EPM2A: variants seen among roughly 807,000 people sequenced by gnomAD.
The protein encoded by EPM2A is EPM2A glucan phosphatase, laforin.
In EPM2A, 21 loss-of-function variants were observed where a neutral mutation model predicts 26.5. The observed-to-expected ratio is 0.79, with a 90% CI of 0.56 to 1.14. The LOEUF (loss-of-function observed/expected upper bound fraction) is 1.14. EPM2A is among the 50% of genes most tolerant of loss of function. EPM2A has a pLI of 0.00. For synonymous variants in EPM2A, 217 were observed against 177.6 expected (o/e 1.22, Z -1.76); for missense variants, 458 against 440.8 (o/e 1.04, Z -0.35).
At chr6:145,534,706 T>G (rs1780407118) in intron 2 of EPM2A, among the ~76,000 whole-genome samples, 1 of 152,224 alleles carries the variant, frequency 6.6e-6, no homozygotes, top group African/African-American at 2.4e-5. Flanking sequence ...TTTAAAAGTC[T>G]AGTAATGCAG....
intron 4 of EPM2A, among the ~76,000 whole-genome samples, chr6:145,446,386 G>A (rs551354287): frequency 4.1e-5 from 6 of 144,736 alleles, no homozygotes; most frequent in African/African-American, 1.5e-4. Flanking sequence ...TCATCAGTGG[G>A]CCTGTTTCTA....
intron 2 of EPM2A, among the ~76,000 whole-genome samples, chr6:145,608,225 C>G (rs569190692): frequency 1.1e-4 from 17 of 152,200 alleles, no homozygotes; most frequent in Admixed American, 5.2e-4. Flanking sequence ...CATTGTTAAT[C>G]TCTTGTTGTG....
At chr6:145,735,132 G>A in intron 1 of EPM2A, 66 bp downstream of exon 1, 1 of 1,269,184 alleles carries the variant, frequency 7.9e-7, no homozygotes, top group Non-Finnish European at 1.1e-6. Context: ...CGAGGCCGAG[G>A]CCCCGGTTGG....
intron 4 of EPM2A, among the ~76,000 whole-genome samples, chr6:145,483,380 C>T (rs9484997): frequency 0.07 from 10,691 of 152,070 alleles, 1,098 homozygotes; most frequent in African/African-American, 0.22. Context: ...GAAACAAAGA[C>T]AGCTAGCTTG....
At chr6:145,620,832 A>G (rs1481897229), downstream of EPM2A, among the ~76,000 whole-genome samples, 1 of 152,222 alleles carries the variant, frequency 6.6e-6, no homozygotes, top group Admixed American at 6.5e-5. Flanking sequence ...TTATTGAGGT[A>G]TAACTGTCAA....
intron 4 of EPM2A, among the ~76,000 whole-genome samples, chr6:145,485,302 A>G (rs1779658447): frequency 6.6e-6 from 1 of 152,150 alleles, no homozygotes; most frequent in African/African-American, 2.4e-5. Context: ...GTAACATCAA[A>G]TGCCACTGAG....
At chr6:145,676,343 C>T (rs1780037167) in intron 2 of EPM2A, among the ~76,000 whole-genome samples, 1 of 152,066 alleles carries the variant, frequency 6.6e-6, no homozygotes, top group Admixed American at 6.6e-5. Flanking sequence ...AAAATTGACA[C>T]CCTAACATCA....
intron 4 of EPM2A, among the ~76,000 whole-genome samples, chr6:145,494,569 G>A (rs1779794022): frequency 6.6e-6 from 1 of 152,026 alleles, no homozygotes; most frequent in Non-Finnish European, 1.5e-5. Flanking sequence ...TCTTTTAGTT[G>A]GGACGTTAGG....
intron 2 of EPM2A, among the ~76,000 whole-genome samples, chr6:145,503,271 G>C (rs1317192976): frequency 6.6e-6 from 1 of 151,316 alleles, no homozygotes; most frequent in South Asian, 2.1e-4. Flanking sequence ...GGAAATAAAG[G>C]GTATTCAATT....
At chr6:145,598,448 A>G (rs570942368) in intron 2 of EPM2A, among the ~76,000 whole-genome samples, 9 of 152,214 alleles carry the variant, frequency 5.9e-5, no homozygotes, top group African/African-American at 1.9e-4. Context: ...AAATTTGTTT[A>G]AGTTCTTCAT....
intron 4 of EPM2A, among the ~76,000 whole-genome samples, chr6:145,432,633 A>ACT (rs1315516308): frequency 1.3e-5 from 2 of 151,772 alleles, no homozygotes; most frequent in Non-Finnish European, 2.9e-5. Context: ...GTTTAGTGTA[A>ACT]CTCTTAAGAG....
intron 2 of EPM2A, among the ~76,000 whole-genome samples, chr6:145,607,152 G>T (rs1005162689): frequency 6.6e-6 from 1 of 152,090 alleles, no homozygotes; most frequent in Non-Finnish European, 1.5e-5. Flanking sequence ...CCTAATTCAT[G>T]AATCACTGCT....
chr6:145,518,423 A>G (rs1780158427), intron 2 of EPM2A, among the ~76,000 whole-genome samples: 4 of 152,118 alleles, frequency 2.6e-5, no homozygotes, highest in Admixed American at 2.6e-4. Context: ...GAAAGGATTA[A>G]TCCATTTCAA....
intron 2 of EPM2A, among the ~76,000 whole-genome samples, chr6:145,650,420 C>T (rs1430778129): frequency 6.6e-6 from 1 of 151,848 alleles, no homozygotes; most frequent in Non-Finnish European, 1.5e-5. Flanking sequence ...GGTGTGGTGG[C>T]ACATGCGGGT....
intron 2 of EPM2A, among the ~76,000 whole-genome samples, chr6:145,658,368 C>T (rs76514014): frequency 0.015 from 2,353 of 152,198 alleles, 27 homozygotes; most frequent in South Asian, 0.027. Context: ...ATTTACAGCA[C>T]AATAGATGTG....
At chr6:145,587,489 G>A (rs1420191828) in intron 2 of EPM2A, among the ~76,000 whole-genome samples, 1 of 152,180 alleles carries the variant, frequency 6.6e-6, no homozygotes, top group African/African-American at 2.4e-5. Context: ...TTGCAGAAGA[G>A]TGAAAAATAT....
chr6:145,688,523 T>C (rs1311143506), intron 1 of EPM2A, among the ~76,000 whole-genome samples: 2 of 152,096 alleles, frequency 1.3e-5, no homozygotes, highest in Non-Finnish European at 2.9e-5. Context: ...GGGTTTGGAG[T>C]GCTCTTTAGA....
At chr6:145,483,223 G>A (rs1054278808) in intron 4 of EPM2A, among the ~76,000 whole-genome samples, 5 of 152,002 alleles carry the variant, frequency 3.3e-5, no homozygotes, top group African/African-American at 7.2e-5. Flanking sequence ...GCTTTGACAA[G>A]CATTCAATTA....
intron 2 of EPM2A, among the ~76,000 whole-genome samples, chr6:145,548,216 T>TTC (rs1780610681): frequency 1.3e-5 from 2 of 152,120 alleles, no homozygotes; most frequent in South Asian, 4.1e-4. Context: ...CGCACTGACC[T>TTC]TCTTCTCTTT....
Sources: gnomAD v4.1 joint callset for allele counts (sites outside exome capture counted in the v4.1 genomes callset) on GRCh38, gnomAD v4.1.1 for gene constraint, MANE v1.5 for transcripts, NCBI Gene and HGNC (gene_info 2026-07-23, HGNC 2026-07-21) for gene names.